EML6: variants seen among roughly 807,000 people sequenced by gnomAD.
EML6 encodes the protein EMAP like 6, also known as echinoderm microtubule-associated protein-like 6.
EML6 carries 154 observed loss-of-function variants against 240.1 expected under a neutral mutation model. The ratio of observed to expected loss-of-function variants is 0.64; its 90% CI spans 0.56 to 0.73. The LOEUF is 0.73. Ranked by LOEUF, EML6 falls within the 30% of genes least tolerant of loss-of-function variation. The probability of loss-of-function intolerance (pLI) is 0.00; values close to 1 mark genes in which losing one functional copy is unlikely to be tolerated. For missense variants in EML6, 2,964 were observed against 2,474.6 expected (o/e 1.20, Z -4.20); for synonymous variants, 1,148 against 899.0 (o/e 1.28, Z -4.95).
At chr2:54,808,035 A>AC (rs367732228) in intron 2 of EML6, among the ~76,000 whole-genome samples, 36 of 151,534 alleles carry the variant, frequency 2.4e-4, no homozygotes, top group East Asian at 9.7e-4. Flanking sequence ...AGTTTTAGGG[A>AC]CCCCCCCTGC....
chr2:54,826,209 T>C (rs1668584038), intron 5 of EML6, among the ~76,000 whole-genome samples: 1 of 152,214 alleles, frequency 6.6e-6, no homozygotes, highest in Non-Finnish European at 1.5e-5. Context: ...CAGATGGAGA[T>C]GACCATCCTG....
chr2:54,928,796 A>G, intron 28 of EML6, 45 bp downstream of exon 28: 1 of 1,550,544 alleles, frequency 6.4e-7, no homozygotes, highest in Admixed American at 2.0e-5. Flanking sequence ...ACCTGATGAC[A>G]AGAAACTTGT....
At chr2:54,842,815 G>C (rs938784700) in intron 7 of EML6, among the ~76,000 whole-genome samples, 1 of 152,182 alleles carries the variant, frequency 6.6e-6, no homozygotes, top group Non-Finnish European at 1.5e-5. Flanking sequence ...TGAGAGGGAC[G>C]TGTGGACTTT....
intron 39 of EML6, 59 bp downstream of exon 39, chr2:54,967,162 T>A: frequency 8.8e-7 from 1 of 1,131,798 alleles, no homozygotes; most frequent in Non-Finnish European, 1.3e-6. Context: ...CTTGTCTCAC[T>A]CAGGCTCAGC....
At chr2:54,927,966 C>G (rs1195624868) in intron 26 of EML6, among the ~76,000 whole-genome samples, 1 of 152,224 alleles carries the variant, frequency 6.6e-6, no homozygotes, top group Non-Finnish European at 1.5e-5. Flanking sequence ...GTCAGCCAGA[C>G]TCACAGTCAG....
chr2:54,852,460 G>C (rs952084299), intron 10 of EML6, among the ~76,000 whole-genome samples: 5 of 152,080 alleles, frequency 3.3e-5, no homozygotes, highest in African/African-American at 7.2e-5. Context: ...TTCAGGGGTG[G>C]CATCATAATT....
intron 16 of EML6, among the ~76,000 whole-genome samples, chr2:54,873,678 ATG>A (rs1313920449): frequency 6.8e-6 from 1 of 146,840 alleles, no homozygotes; most frequent in African/African-American, 2.5e-5. Context: ...AGACAAATAT[ATG>A]TATACTTAAT....
At chr2:54,814,508 A>G (rs561783380) in intron 3 of EML6, among the ~76,000 whole-genome samples, 4 of 151,820 alleles carry the variant, frequency 2.6e-5, no homozygotes, top group African/African-American at 7.2e-5. Flanking sequence ...CATCTCCCCA[A>G]CCGCCTCCGT....
chr2:54,883,767 C>T (rs1573064753), intron 17 of EML6, among the ~76,000 whole-genome samples: 2 of 152,304 alleles, frequency 1.3e-5, no homozygotes, highest in Admixed American at 1.3e-4. Context: ...GGCAACTTCC[C>T]TACAAGTTTA....
intron 30 of EML6, 49 bp downstream of exon 30, chr2:54,950,828 A>G: frequency 6.5e-7 from 1 of 1,528,588 alleles, no homozygotes; most frequent in Non-Finnish European, 8.8e-7. Context: ...TGTTTTTTAC[A>G]TGCTTTCCCC....
chr2:54,955,457 C>T (rs946133418), intron 32 of EML6, among the ~76,000 whole-genome samples: 1 of 152,182 alleles, frequency 6.6e-6, no homozygotes, highest in African/African-American at 2.4e-5. Flanking sequence ...ACAAGGCAGC[C>T]CACACGCTGT....
At chr2:54,738,860 C>T (rs1469050061) in intron 2 of EML6, among the ~76,000 whole-genome samples, 3 of 152,196 alleles carry the variant, frequency 2.0e-5, no homozygotes, top group Non-Finnish European at 2.9e-5. Context: ...CACAAGTGAA[C>T]ATATATGCAG....
At chr2:54,847,740 GAATACTAT>G (rs1558607718) in intron 9 of EML6, 117 bp downstream of exon 9, 27 of 1,027,334 alleles carry the variant, frequency 2.6e-5, no homozygotes, top group South Asian at 1.0e-4. Context: ...ATTCAAATAG[GAATACTAT>G]AGATCTACGA....
At chr2:54,818,539 A>G (rs1668182066) in intron 4 of EML6, among the ~76,000 whole-genome samples, 1 of 152,222 alleles carries the variant, frequency 6.6e-6, no homozygotes, top group Non-Finnish European at 1.5e-5. Flanking sequence ...GCCCAGTTGC[A>G]GAGCAGAGCT....
chr2:54,945,780 C>T (rs911544659), intron 28 of EML6, among the ~76,000 whole-genome samples: 1 of 152,242 alleles, frequency 6.6e-6, no homozygotes, highest in East Asian at 1.9e-4. Context: ...CGGGTCTGTG[C>T]AGGGCAAGAG....
chr2:54,904,828 C>T (rs1673234287), intron 24 of EML6, among the ~76,000 whole-genome samples: 1 of 152,052 alleles, frequency 6.6e-6, no homozygotes. Context: ...ATGATGAAGG[C>T]CTCTGCCAAA....
intron 31 of EML6, 51 bp downstream of exon 31, chr2:54,952,743 C>A: frequency 8.0e-7 from 1 of 1,247,630 alleles, no homozygotes; most frequent in Non-Finnish European, 1.1e-6. Context: ...GGGACGCTGA[C>A]CTGTCAGCAA....
chr2:54,948,516 T>C (rs1283640218), intron 28 of EML6, among the ~76,000 whole-genome samples: 1 of 152,194 alleles, frequency 6.6e-6, no homozygotes, highest in African/African-American at 2.4e-5. Flanking sequence ...GTCCAGGAAA[T>C]GTGGCCTCCC....
chr2:54,942,438 A>G (rs1477127791), intron 28 of EML6, among the ~76,000 whole-genome samples: 1 of 152,154 alleles, frequency 6.6e-6, no homozygotes, highest in Non-Finnish European at 1.5e-5. Flanking sequence ...CAGATTCTCC[A>G]TCTGGGGGGA....
Sources: gnomAD v4.1 joint callset for allele counts (sites outside exome capture counted in the v4.1 genomes callset) on GRCh38, gnomAD v4.1.1 for gene constraint, MANE v1.5 for transcripts, NCBI Gene and HGNC (gene_info 2026-07-23, HGNC 2026-07-21) for gene names.